The following MARCHF7 variants were observed in gnomAD, a reference collection of about 807,000 sequenced individuals.
MARCHF7 encodes the protein E3 ubiquitin-protein ligase MARCHF7.
A neutral mutation model predicts 76.5 loss-of-function variants in MARCHF7; 20 were observed. The ratio of observed to expected loss-of-function variants is 0.26; its 90% CI spans 0.18 to 0.38. The LOEUF (loss-of-function observed/expected upper bound fraction) is 0.38, where lower values mean the gene tolerates loss of function less well. MARCHF7 is among the 10% of genes least tolerant of loss of function. The pLI, the probability that MARCHF7 is intolerant of heterozygous loss-of-function variation, is 1.00. For missense variants in MARCHF7, 797 were observed against 812.9 expected, an observed-to-expected ratio of 0.98 and a Z score of 0.24; for synonymous variants, 295 against 293.0, an observed-to-expected ratio of 1.01 and a Z score of -0.07.
chr2:159,748,152 T>G lies in MARCHF7; in HGVS notation c.862T>G (p.Ser288Ala). The change falls in exon 7 of 12, where the codon TCT (serine) becomes GCT (alanine). Residue 288 changes from serine (S) to alanine (A), a missense_variant. Ser to Ala is a moderately conservative substitution (Grantham distance 99, BLOSUM62 1). This residue lies in a region of MARCHF7 where 643 missense variants were observed against 631.5 expected (regional missense o/e 1.02). Transcript: ENST00000409175. ...TTRRLLSRIA[S>A]SMSSTFFSRR... is the part of the protein sequence containing the mutation. ...GAGGAGATTGCTGTCACGCATAGCT[T>G]CTAGCATGTCATCTACTTTTTTTTC... is the stretch of plus-strand genomic sequence containing the variant. 1.2e-6 allele frequency: 2 copies of G among 1,613,454 alleles called. No individual in the cohort carries two copies. Among genetic ancestry groups the G allele is most frequent in the Non-Finnish European group, 1.7e-6 (2 of 1,179,802 alleles).
intron 4 of MARCHF7, among the ~76,000 whole-genome samples, chr2:159,731,720 C>G (rs973375215): frequency 6.6e-6 from 1 of 151,624 alleles, no homozygotes; most frequent in Non-Finnish European, 1.5e-5. Flanking sequence ...CGCCATTGCA[C>G]TCCAGCCTGG....
chr2:159,733,842 G>T, intron 4 of MARCHF7: 1 of 1,176,700 alleles, frequency 8.5e-7, no homozygotes, highest in Non-Finnish European at 1.1e-6. Context: ...TCACTTACAC[G>T]ATTATTATGT....
intron 3 of MARCHF7, among the ~76,000 whole-genome samples, chr2:159,718,169 A>G (rs779859014): frequency 6.6e-6 from 1 of 152,170 alleles, no homozygotes; most frequent in Non-Finnish European, 1.5e-5. Flanking sequence ...TTATACCTAG[A>G]GTCATACCCA....
intron 1 of MARCHF7, among the ~76,000 whole-genome samples, 150 bp from the exon 2 acceptor site, chr2:159,714,405 CTG>C (rs1358807803): frequency 1.3e-5 from 2 of 152,146 alleles, no homozygotes; most frequent in Admixed American, 6.5e-5. Context: ...CTTAATATGA[CTG>C]TACAGTGGTT....
At chr2:159,734,129 A>G in intron 4 of MARCHF7, 1 of 1,220,040 alleles carries the variant, frequency 8.2e-7, no homozygotes, top group Non-Finnish European at 1.1e-6. Context: ...ATTTCTATAA[A>G]TATTGTTAAA....
intron 3 of MARCHF7, among the ~76,000 whole-genome samples, chr2:159,726,690 A>G (rs1702211731): frequency 6.6e-6 from 1 of 152,226 alleles, no homozygotes; most frequent in African/African-American, 2.4e-5. Flanking sequence ...TTTGTGTACA[A>G]TTCAGTATTA....
chr2:159,735,443 G>A (rs1703338751), intron 4 of MARCHF7, among the ~76,000 whole-genome samples: 1 of 152,104 alleles, frequency 6.6e-6, no homozygotes, highest in Admixed American at 6.6e-5. Context: ...TATTCACAGA[G>A]CTGCACAACC....
Position 159,747,954 on chromosome 2 carries a change from T to C in MARCHF7, c.664T>C (p.Leu222=). 1 of 1,614,054 alleles carries C rather than the reference T, an allele frequency of 6.2e-7. No individual in the cohort carries two copies. Among genetic ancestry groups the C allele is most frequent in the Non-Finnish European group, 8.5e-7 (1 of 1,180,006 alleles). The part of the protein sequence containing the change: ...ILSSRDSRNS[L]RSNFSSRESE... ...AAGTTCTAGGGACTCCAGAAATTCT[T>C]TAAGATCAAATTTTTCTTCAAGAGA... The change falls in exon 7 of 12, where the codon TTA becomes CTA. Residue 222 remains leucine (L), a synonymous_variant. Coordinates refer to ENST00000409175, the MANE Select transcript of MARCHF7 (RefSeq NM_001282805.2).
Position 159,770,956 on chromosome 2 carries a change from T to G in MARCHF7, c.*3614T>G, listed in dbSNP as rs1475386230. On this transcript the variant is annotated 3_prime_UTR_variant, in exon 12 of 12. Coordinates refer to ENST00000409175, the MANE Select transcript of MARCHF7 (RefSeq NM_001282805.2). ...TACTCGTTTCAGCTTTTTCATTTTT[T>G]TACTCCCCAAATGATTTTCACCTTT... The G allele has an allele frequency of 6.6e-6, 1 of 152,204 alleles. No homozygotes were observed. The highest frequency in any genetic ancestry group is 1.5e-5 in the Non-Finnish European group (1 of 68,018). The allele number at this position is 152,204 out of a possible 1,614,324, so 9.4% of individuals were successfully genotyped here.
intron 1 of MARCHF7, among the ~76,000 whole-genome samples, chr2:159,714,108 C>T (rs1700714563): frequency 6.6e-6 from 1 of 152,162 alleles, no homozygotes; most frequent in African/African-American, 2.4e-5. Flanking sequence ...TCATCCATGA[C>T]TCTCATGTAG....
At chr2:159,752,155 C>T (rs536115377) in intron 7 of MARCHF7, among the ~76,000 whole-genome samples, 9 of 152,090 alleles carry the variant, frequency 5.9e-5, no homozygotes, top group African/African-American at 9.7e-5. Flanking sequence ...GATAGGTTAG[C>T]CTATTTTACT....
At chr2:159,760,754 C>G (rs1352267864) in intron 9 of MARCHF7, among the ~76,000 whole-genome samples, 1 of 149,230 alleles carries the variant, frequency 6.7e-6, no homozygotes, top group Non-Finnish European at 1.5e-5. Flanking sequence ...TTGACTCGCT[C>G]TGTCATGCCT....
intron 8 of MARCHF7, among the ~76,000 whole-genome samples, chr2:159,758,305 G>A (rs1014051744): frequency 4.6e-5 from 7 of 152,156 alleles, no homozygotes; most frequent in African/African-American, 1.7e-4. Context: ...GAATATGGAA[G>A]TTTTCTTTTT....
At chr2:159,732,150 T>C (rs1390246445) in intron 4 of MARCHF7, among the ~76,000 whole-genome samples, 1 of 152,130 alleles carries the variant, frequency 6.6e-6, no homozygotes, top group African/African-American at 2.4e-5. Context: ...AATGTCATGT[T>C]AATGACTTCA....
rs373570205 is a variant in MARCHF7, at chr2:159,732,881, C to T, written c.153+3706C>T. 578 of 985,006 alleles carry T rather than the reference C, an allele frequency of 5.9e-4. 1 individual carries two copies. The highest frequency in any genetic ancestry group is 1.4e-3 in the South Asian group (30 of 21,274). 61.0% of individuals were successfully genotyped at this position (985,006 alleles called of 1,614,324 possible). A position where few individuals can be genotyped will look rare whatever the true frequency, so the allele number is the denominator to read the frequency against. On this transcript the variant is annotated intron_variant, in intron 4 of 11. Transcript: ENST00000409175. Reference sequence around the variant, plus strand: ...TTCTGTGAAATGGTGATAGTGATAGCGGTTTCTTCATACAGCCACATCTAT... The same window carrying T: ...TTCTGTGAAATGGTGATAGTGATAGTGGTTTCTTCATACAGCCACATCTAT...
intron 1 of MARCHF7, among the ~76,000 whole-genome samples, chr2:159,713,672 AGTTT>A (rs1411569300): frequency 2.0e-5 from 3 of 152,178 alleles, no homozygotes; most frequent in Non-Finnish European, 4.4e-5. Context: ...GGTAGCAAAA[AGTTT>A]GTTTGAGAAA....
intron 3 of MARCHF7, among the ~76,000 whole-genome samples, chr2:159,724,687 T>C (rs1387360394): frequency 6.6e-6 from 1 of 152,234 alleles, no homozygotes; most frequent in Non-Finnish European, 1.5e-5. Flanking sequence ...ATTTTATGAA[T>C]GAATTTTTTT....
At chr2:159,732,732 G>C (rs1020894492) in intron 4 of MARCHF7, 2 of 506,822 alleles carry the variant, frequency 3.9e-6, no homozygotes, top group African/African-American at 2.1e-5. Flanking sequence ...GGGTCTTGCT[G>C]TGTTGCCCAG....
chr2:159,729,076 C>A lies in MARCHF7; in HGVS notation c.54C>A (p.Ser18Arg). The change falls in exon 4 of 12, where the codon AGC becomes AGA. Residue 18 changes from serine (S) to arginine (R), a missense_variant. Coordinates refer to ENST00000409175, the MANE Select transcript of MARCHF7 (RefSeq NM_001282805.2). Reference protein sequence around the residue: ...IPRRISVQPSSSLSARMMSGS... With the variant: ...IPRRISVQPSRSLSARMMSGS... ...GAAGAATTTCTGTTCAACCTTCCAG[C>A]TCCTTAAGTGCTAGGATGATGTCTG... 1 of 1,610,278 alleles carries A rather than the reference C, an allele frequency of 6.2e-7. No individual in the cohort carries two copies. Among genetic ancestry groups the A allele is most frequent in the Non-Finnish European group, 8.5e-7 (1 of 1,178,590 alleles).
Sources: gnomAD v4.1 joint callset for allele counts (sites outside exome capture counted in the v4.1 genomes callset) on GRCh38, gnomAD v4.1.1 for gene constraint, gnomAD v4.1.1 regional missense constraint, MANE v1.5 for transcripts, NCBI Gene and HGNC (gene_info 2026-07-23, HGNC 2026-07-21) for gene names.